The following COL4A3 variants were observed in gnomAD, a reference collection of about 807,000 sequenced individuals.
COL4A3 encodes the protein collagen alpha-3(IV) chain.
In COL4A3, 135 loss-of-function variants were observed where a neutral mutation model predicts 217.4. The ratio of observed to expected loss-of-function variants is 0.62; its 90% confidence interval spans 0.54 to 0.72. The LOEUF (loss-of-function observed/expected upper bound fraction) is 0.72. Ranked by LOEUF, COL4A3 falls within the 30% of genes least tolerant of loss-of-function variation. The pLI is 0.00. For synonymous variants in COL4A3, 690 were observed against 736.3 expected, an observed-to-expected ratio of 0.94 and a Z score of 1.02; for missense variants, 1,868 against 2,119.9, an observed-to-expected ratio of 0.88 and a Z score of 2.33.
intron 1 of COL4A3, among the ~76,000 whole-genome samples, chr2:227,166,800 A>T (rs1175798731): frequency 6.6e-6 from 1 of 152,204 alleles, no homozygotes; most frequent in Non-Finnish European, 1.5e-5. Flanking sequence ...CACAACGTTC[A>T]CTGATAATCG....
intron 48 of COL4A3, among the ~76,000 whole-genome samples, chr2:227,308,494 G>A (rs201436201): frequency 2.6e-5 from 4 of 152,202 alleles, no homozygotes; most frequent in African/African-American, 4.8e-5. Flanking sequence ...GATTACAGGC[G>A]TGAGCCACCA....
rs2071196765 is a variant in COL4A3, at chr2:227,270,921, T to C, written c.1727T>C (p.Val576Ala). The change falls in exon 25 of 52, where the codon GTG (valine) becomes GCG (alanine). Residue 576 changes from valine to alanine, a missense_variant. Val to Ala is a moderately conservative substitution (Grantham distance 64). Transcript: ENST00000396578. ...GLDGIPGTPG[V>A]KGLPGPKGEL... is the part of the protein sequence containing the mutation. ...GATGGAATTCCTGGAACTCCGGGAGTGAAAGGATTACCAGGACCTAAAGGC... is the reference window on the plus strand; with the variant it reads ...GATGGAATTCCTGGAACTCCGGGAGCGAAAGGATTACCAGGACCTAAAGGC... 1.2e-6 allele frequency: 2 copies of C among 1,613,640 alleles called. No homozygotes were observed. The highest frequency in any genetic ancestry group is 1.7e-6 in the Non-Finnish European group (2 of 1,179,942).
rs760846085 is a variant in COL4A3 at position 227,310,822 on chromosome 2, CT to C, written c.4803del (p.Gly1602AlafsTer13). On this transcript the variant is annotated frameshift_variant, in exon 51 of 52. Coordinates refer to ENST00000396578, the MANE Select transcript of COL4A3 (RefSeq NM_000091.5). LOFTEE classifies it high-confidence loss of function. ...SEGTGQALAS[P>X]GSCLEEFRAS... ...GGCACCGGGCAAGCACTGGCCTCCC[CT>C]GGCTCCTGCCTGGAAGAATTCCGAG... 4.3e-5 allele frequency: 69 copies of C among 1,614,084 alleles called. No homozygotes were observed. The highest frequency in any genetic ancestry group is 5.8e-5 in the Non-Finnish European group (69 of 1,180,044).
intron 4 of COL4A3, 153 bp from the exon 5 acceptor site, chr2:227,244,798 C>A (rs779726077): frequency 2.4e-6 from 2 of 828,260 alleles, no homozygotes; most frequent in Non-Finnish European, 2.1e-6. Context: ...GTTTGTTAAA[C>A]CTTTAGTATT....
rs138438121 is a variant in COL4A3, at chr2:227,183,356, C to T, written c.87+18543C>T. Among the ~76,000 whole-genome samples the T allele has an allele frequency of 3.9e-4, 59 of 152,250 alleles. 1 individual carries two copies. In the East Asian group the frequency reaches 8.1e-3, roughly 21 times the overall value. ...ATAAAACTAAGGGATGATTAATTCC[C>T]ATTTTGAAAAATAAATTAGAAAAAA... On this transcript the variant is annotated intron_variant, in intron 1 of 51. Coordinates refer to ENST00000396578, the MANE Select transcript of COL4A3 (RefSeq NM_000091.5).
At chr2:227,271,106 G>A (rs1291434411) in intron 25 of COL4A3, among the ~76,000 whole-genome samples, 154 bp downstream of exon 25, 4 of 152,172 alleles carry the variant, frequency 2.6e-5, no homozygotes, top group Non-Finnish European at 5.9e-5. Flanking sequence ...AATAACCCAA[G>A]CAAATAGTTA....
At chr2:227,196,369 G>A (rs1415610273) in intron 1 of COL4A3, among the ~76,000 whole-genome samples, 2 of 151,482 alleles carry the variant, frequency 1.3e-5, no homozygotes, top group East Asian at 3.9e-4. Context: ...CCAGGCTGGA[G>A]TGCAGTGGTA....
intron 9 of COL4A3, among the ~76,000 whole-genome samples, chr2:227,249,230 A>ATATATATATATATATATATTTTTTT: frequency 6.8e-5 from 1 of 14,692 alleles, no homozygotes; most frequent in Non-Finnish European, 1.2e-4. Context: ...ATATATATAT[A>ATATATATATATATATATATTTTTTT]TTTTTTTTTT....
At chr2:227,279,979 G>A (rs2071851048) in intron 29 of COL4A3, 89 bp downstream of exon 29, 5 of 794,884 alleles carry the variant, frequency 6.3e-6, no homozygotes, top group South Asian at 1.6e-5. Flanking sequence ...GAGCACTCTA[G>A]ATGTAGAAAT....
In COL4A3 at chr2:227,240,959, T is replaced by C. The variant is rs897088509; in HGVS notation, c.234+727T>C. Among the ~76,000 whole-genome samples the C allele has an allele frequency of 2.6e-5, 4 of 152,234 alleles. No homozygotes were observed. In the East Asian group the frequency reaches 7.7e-4, roughly 29 times the overall value. Reference sequence around the variant, plus strand: ...CTGAACCCCTCTGCTTAGTTTCAAATTGTGTGGATCGCTCTCCTCTCCTTG... The same window carrying C: ...CTGAACCCCTCTGCTTAGTTTCAAACTGTGTGGATCGCTCTCCTCTCCTTG... On this transcript the variant is annotated intron_variant, in intron 3 of 51. Coordinates refer to ENST00000396578, the MANE Select transcript of COL4A3 (RefSeq NM_000091.5).
chr2:227,256,172 C>A, intron 16 of COL4A3, 102 bp downstream of exon 16: 1 of 1,315,698 alleles, frequency 7.6e-7, no homozygotes, highest in Non-Finnish European at 1.1e-6. Context: ...AAACAAAAAG[C>A]TTACAGCTTT....
In COL4A3 at chr2:227,280,477, C is replaced by T; in HGVS notation, c.2261C>T (p.Thr754Ile). 1.9e-6 allele frequency: 3 copies of T among 1,614,088 alleles called. No individual in the cohort carries two copies. The highest frequency in any genetic ancestry group is 1.1e-5 in the South Asian group (1 of 91,080). The change falls in exon 30 of 52, where the codon ACA becomes ATA. Residue 754 changes from threonine (T) to isoleucine (I), a missense_variant. By Grantham distance (89) the Thr-to-Ile change is moderately conservative. Transcript: ENST00000396578. ...PAVAMPGGPG[T>I]PGFPGERGNS... Reference sequence around the variant, plus strand: ...GTAGCCATGCCTGGAGGACCAGGAACACCAGGTTTTCCAGGAGAAAGAGGC... The same window carrying T: ...GTAGCCATGCCTGGAGGACCAGGAATACCAGGTTTTCCAGGAGAAAGAGGC...
chr2:227,181,898 T>C (rs2065878123), intron 1 of COL4A3, among the ~76,000 whole-genome samples: 1 of 152,156 alleles, frequency 6.6e-6, no homozygotes, highest in African/African-American at 2.4e-5. Context: ...TTCCAAATAA[T>C]AGACACAGTT....
At chr2:227,272,816 C>A in intron 25 of COL4A3, 133 bp from the exon 26 acceptor site, 1 of 990,248 alleles carries the variant, frequency 1.0e-6, no homozygotes, top group Non-Finnish European at 1.6e-6. Flanking sequence ...TAATAATTCT[C>A]ATCAAATGCC....
intron 1 of COL4A3, among the ~76,000 whole-genome samples, chr2:227,200,159 G>A (rs998025020): frequency 5.3e-5 from 8 of 151,186 alleles, no homozygotes; most frequent in Admixed American, 3.9e-4. Context: ...TTCTTTTTGT[G>A]ATCTCGATGT....
rs531417816 is a variant in COL4A3 at position 227,292,648 on chromosome 2, G to GT, written c.3211-538dup. Among the ~76,000 whole-genome samples the GT allele has an allele frequency of 8.5e-5, 13 of 152,264 alleles. No homozygotes were observed. In the South Asian group the frequency reaches 2.5e-3, roughly 29 times the overall value. ...TTAATGAACACTAAATCATTGGAAG[G>GT]TTTTTAAAACATGTGATTGACATAT... On this transcript the variant is annotated intron_variant, in intron 37 of 51. Transcript: ENST00000396578.
intron 1 of COL4A3, among the ~76,000 whole-genome samples, chr2:227,172,572 C>T (rs1403133216): frequency 2.1e-5 from 3 of 140,616 alleles, no homozygotes; most frequent in African/African-American, 5.3e-5. Flanking sequence ...CTTCTTTCTT[C>T]GTCTTCTTCT....
chr2:227,177,193 A>C (rs1243280085), intron 1 of COL4A3, among the ~76,000 whole-genome samples: 4 of 137,756 alleles, frequency 2.9e-5, no homozygotes, highest in Admixed American at 7.8e-5. Context: ...TCTGTAACCC[A>C]GGCTGGAGTG....
chr2:227,228,938 G>T (rs2068242214), intron 1 of COL4A3, among the ~76,000 whole-genome samples: 1 of 152,136 alleles, frequency 6.6e-6, no homozygotes, highest in African/African-American at 2.4e-5. Context: ...ACAGCCCTCA[G>T]TGTATCCTAT....
Sources: gnomAD v4.1 joint callset for allele counts (sites outside exome capture counted in the v4.1 genomes callset) on GRCh38, gnomAD v4.1.1 for gene constraint, MANE v1.5 for transcripts, NCBI Gene and HGNC (gene_info 2026-07-23, HGNC 2026-07-21) for gene names.